The following MARK4 variants were observed in gnomAD, a reference collection of about 807,000 sequenced individuals.
The protein encoded by MARK4 is MAP/microtubule affinity-regulating kinase 4.
Under a neutral mutation model 81.5 loss-of-function variants are expected in MARK4, and 19 were observed. That is an observed-to-expected ratio of 0.23 (90% confidence interval 0.16 to 0.34). The LOEUF (loss-of-function observed/expected upper bound fraction) is 0.34, where lower values mean the gene tolerates loss of function less well. Ranked by LOEUF, MARK4 falls within the 10% of genes least tolerant of loss-of-function variation. MARK4 has a pLI of 1.00. For missense variants in MARK4, 772 were observed against 1,058.8 expected, an observed-to-expected ratio of 0.73 and a Z score of 3.76; for synonymous variants, 436 against 439.0, an observed-to-expected ratio of 0.99 and a Z score of 0.08.
intron 4 of MARK4, among the ~76,000 whole-genome samples, chr19:45,264,446 C>T (rs563287070): frequency 7.3e-5 from 11 of 149,848 alleles, no homozygotes; most frequent in South Asian, 2.1e-4. Flanking sequence ...GCAGAGATCG[C>T]GCCATTGCAC....
chr19:45,295,315 C>T (rs552730395), intron 14 of MARK4, among the ~76,000 whole-genome samples: 4 of 151,970 alleles, frequency 2.6e-5, no homozygotes, highest in South Asian at 2.1e-4. Context: ...GCCGAGATCA[C>T]GCCACTGCAC....
Position 45,302,532 on chromosome 19 carries a change from TC to T in MARK4, c.2083del (p.Leu695CysfsTer161). On this transcript the variant is annotated frameshift_variant, in exon 17 of 17. Coordinates refer to ENST00000262891, the MANE Select transcript of MARK4 (RefSeq NM_001199867.2). LOFTEE classifies it high-confidence loss of function. This position sits in a 1 kb window ranked among gnomAD's most constrained non-coding sequence, Gnocchi z 4.9. ...ARCRCRQPQP[F>X]LLACLHGGAG... ...TGCCGCTGCCGCCAGCCACAGCCGTTCCTGCTGGCCTGCCTGCACGGGGGTG... is the reference window on the plus strand; with the variant it reads ...TGCCGCTGCCGCCAGCCACAGCCGTTCTGCTGGCCTGCCTGCACGGGGGTG... 1 of 1,600,202 alleles carries T rather than the reference TC, an allele frequency of 6.2e-7. No homozygotes were observed. Among genetic ancestry groups the T allele is most frequent in the Non-Finnish European group, 8.5e-7 (1 of 1,178,536 alleles).
intron 1 of MARK4, among the ~76,000 whole-genome samples, chr19:45,253,267 C>T (rs998519590): frequency 6.6e-6 from 1 of 152,076 alleles, no homozygotes; most frequent in African/African-American, 2.4e-5. Context: ...GAGACCACCC[C>T]GCATCATCAC....
chr19:45,258,549 A>G (rs962301026), intron 1 of MARK4, among the ~76,000 whole-genome samples: 1 of 151,956 alleles, frequency 6.6e-6, no homozygotes, highest in Non-Finnish European at 1.5e-5. Flanking sequence ...AAAATACAGA[A>G]ATTAGCCAGG....
At chr19:45,295,985 C>A (rs1433378341) in intron 14 of MARK4, among the ~76,000 whole-genome samples, 1 of 152,128 alleles carries the variant, frequency 6.6e-6, no homozygotes, top group Non-Finnish European at 1.5e-5. Flanking sequence ...ATGTCTATTG[C>A]CTGGCTCAGT....
intron 13 of MARK4, chr19:45,288,182 C>T (rs1208151356): frequency 1.3e-5 from 2 of 158,714 alleles, no homozygotes; most frequent in African/African-American, 4.8e-5. Flanking sequence ...GAGCTGTGTT[C>T]CCGCCACTGC....
intron 2 of MARK4, among the ~76,000 whole-genome samples, chr19:45,260,018 C>T (rs1307862498): frequency 1.3e-5 from 2 of 150,952 alleles, no homozygotes; most frequent in Non-Finnish European, 2.9e-5. Flanking sequence ...ACCCAGGAGG[C>T]GGAGGTTTCA....
In MARK4 at chr19:45,302,899, C is replaced by A; in HGVS notation, c.*189C>A. On this transcript the variant is annotated 3_prime_UTR_variant, in exon 17 of 17. Coordinates refer to ENST00000262891, the MANE Select transcript of MARK4 (RefSeq NM_001199867.2). This position sits in a 1 kb window ranked among gnomAD's most constrained non-coding sequence, Gnocchi z 4.9. ...TCAGCACAGAAGAAGGATGAGGGGGCTCAGCGGGGGGAGCTGGCACCTTCC... is the reference window on the plus strand; with the variant it reads ...TCAGCACAGAAGAAGGATGAGGGGGATCAGCGGGGGGAGCTGGCACCTTCC... 1.0e-6 allele frequency: 1 copy of A among 970,474 alleles called. No homozygotes were observed. Among genetic ancestry groups the A allele is most frequent in the Non-Finnish European group, 1.5e-6 (1 of 681,416 alleles). 60.1% of individuals were successfully genotyped at this position (970,474 alleles called of 1,614,324 possible). A position where few individuals can be genotyped will look rare whatever the true frequency, so the allele number is the denominator to read the frequency against.
chr19:45,295,158 G>T (rs1409884691), intron 14 of MARK4, among the ~76,000 whole-genome samples: 1 of 151,002 alleles, frequency 6.6e-6, no homozygotes, highest in East Asian at 1.9e-4. Flanking sequence ...GACCATCCTG[G>T]CTAACATGGT....
At chr19:45,287,719 T>C in intron 13 of MARK4, 55 bp downstream of exon 13, 1 of 1,554,880 alleles carries the variant, frequency 6.4e-7, no homozygotes, top group African/African-American at 1.4e-5. Flanking sequence ...GCCACATTCC[T>C]CAGGCCCTGC....
At chr19:45,262,929 T>C (rs1334701063) in intron 2 of MARK4, 184 bp from the exon 3 acceptor site, 3 of 622,156 alleles carry the variant, frequency 4.8e-6, no homozygotes, top group African/African-American at 3.7e-5. Flanking sequence ...CACACCTGGC[T>C]AATTTTTGTA....
rs893023482 is a variant in MARK4, at chr19:45,259,032, C to T, written c.95C>T (p.Ser32Phe). The change falls in exon 2 of 17, where the codon TCC (serine) becomes TTC (phenylalanine). Residue 32 changes from serine to phenylalanine, a missense_variant. Around this residue, in one of 3 missense-constraint regions of MARK4, gnomAD observed 115 missense variants for 139.8 expected, o/e 0.82. Coordinates refer to ENST00000262891, the MANE Select transcript of MARK4 (RefSeq NM_001199867.2). ...GGCCGCTCCTCGGACAAAGGCCCGT[C>T]CTGGTCCAGCCGCTCACTGGGTGCC... is the stretch of plus-strand genomic sequence containing the variant. ...GSGRSSDKGPSWSSRSLGARC... is the reference protein window; with the variant it reads ...GSGRSSDKGPFWSSRSLGARC... The T allele has an allele frequency of 1.9e-6, 3 of 1,613,604 alleles. No homozygotes were observed. The highest frequency in any genetic ancestry group is 1.7e-6 in the Non-Finnish European group (2 of 1,180,020).
At chr19:45,292,760 A>G (rs1026576361) in intron 13 of MARK4, among the ~76,000 whole-genome samples, 8 of 152,014 alleles carry the variant, frequency 5.3e-5, no homozygotes, top group African/African-American at 1.9e-4. Context: ...GGTTCTAGCT[A>G]CTTGGGAGGC....
chr19:45,266,568 G>A (rs1970456813), intron 7 of MARK4, among the ~76,000 whole-genome samples: 2 of 151,928 alleles, frequency 1.3e-5, no homozygotes, highest in African/African-American at 4.8e-5. Context: ...CAGGGCTGTT[G>A]GATAAGGACG....
chr19:45,288,128 C>T (rs754453661), intron 13 of MARK4: 51 of 171,768 alleles, frequency 3.0e-4, no homozygotes, highest in Non-Finnish European at 3.4e-4. Context: ...CTCGAAAGAC[C>T]GAGGTGGGAG....
At chr19:45,286,182 A>G (rs1430181919) in intron 12 of MARK4, among the ~76,000 whole-genome samples, 2 of 151,884 alleles carry the variant, frequency 1.3e-5, no homozygotes, top group Non-Finnish European at 2.9e-5. Flanking sequence ...CAGCCTTCCA[A>G]GTAGCTGGGA....
chr19:45,263,840 A>C (rs1000071618), intron 4 of MARK4, among the ~76,000 whole-genome samples: 1 of 150,966 alleles, frequency 6.6e-6, no homozygotes, highest in African/African-American at 2.4e-5. Flanking sequence ...TTGAGCCTCT[A>C]TTTTCTCTTC....
chr19:45,271,496 G>C lies in MARK4; in HGVS notation c.574G>C (p.Glu192Gln). ...GGCTGAGAACCTCTTGCTGGATGCC[G>C]AGGCCAACATCAAGATTGCTGACTT... ...LKAENLLLDAEANIKIADFGF... is the reference protein window; with the variant it reads ...LKAENLLLDAQANIKIADFGF... The change falls in exon 8 of 17, where the codon GAG (glutamate) becomes CAG (glutamine). Residue 192 changes from glutamate (E) to glutamine (Q), a missense_variant. Physicochemically the swap from Glu to Gln is conservative, Grantham distance 29. Coordinates refer to ENST00000262891, the MANE Select transcript of MARK4 (RefSeq NM_001199867.2). This position sits in a 1 kb window ranked among gnomAD's most constrained non-coding sequence, Gnocchi z 4.1. 6.2e-7 allele frequency: 1 copy of C among 1,614,164 alleles called. No homozygotes were observed. The highest frequency in any genetic ancestry group is 8.5e-7 in the Non-Finnish European group (1 of 1,180,026).
At chr19:45,300,765 G>C (rs1407115203) in intron 16 of MARK4, among the ~76,000 whole-genome samples, 1 of 152,086 alleles carries the variant, frequency 6.6e-6, no homozygotes, top group Non-Finnish European at 1.5e-5. Context: ...TCATTGGTTG[G>C]GACTTGGTCA....
Sources: allele counts gnomAD v4.1 joint callset (sites outside exome capture counted in the v4.1 genomes callset), GRCh38; gene constraint gnomAD v4.1.1; regional missense constraint gnomAD v4.1.1; non-coding constraint Gnocchi (gnomAD v3.1); transcripts MANE v1.5; gene names NCBI Gene and HGNC (gene_info 2026-07-23, HGNC 2026-07-21).